The following ARID5B variants were observed in gnomAD, a reference collection of about 807,000 sequenced individuals.
ARID5B encodes AT-rich interactive domain-containing protein 5B.
In ARID5B, 13 loss-of-function variants were observed where a neutral mutation model predicts 97.2. The ratio of observed to expected loss-of-function variants is 0.13; its 90% CI spans 0.09 to 0.21. The LOEUF (loss-of-function observed/expected upper bound fraction) is 0.21. ARID5B is among the 10% of genes least tolerant of loss of function. The pLI, the probability that ARID5B is intolerant of heterozygous loss-of-function variation, is 1.00. For missense variants in ARID5B, 1,210 were observed against 1,465.3 expected (o/e 0.83, Z 2.84); for synonymous variants, 556 against 570.3 (o/e 0.97, Z 0.36).
intron 1 of ARID5B, 74 bp downstream of exon 1, chr10:61,901,804 T>TGCACCCACCCACACCC: frequency 2.2e-6 from 2 of 905,266 alleles, no homozygotes; most frequent in Non-Finnish European, 3.1e-6. Context: ...CACCCACACC[T>TGCACCCACCCACACCC]CTGCACCCAC....
chr10:62,015,608 T>C (rs541903736), intron 4 of ARID5B, among the ~76,000 whole-genome samples: 1 of 152,004 alleles, frequency 6.6e-6, no homozygotes, highest in South Asian at 2.1e-4. Context: ...CTCTGAACGG[T>C]GTGAGGTTTT....
At chr10:61,963,476 G>A (rs1393836636) in intron 3 of ARID5B, among the ~76,000 whole-genome samples, 1 of 151,732 alleles carries the variant, frequency 6.6e-6, no homozygotes, top group Non-Finnish European at 1.5e-5. Context: ...CATGTCCCTG[G>A]GGCAGTGAGA....
intron 4 of ARID5B, among the ~76,000 whole-genome samples, chr10:62,005,397 T>A (rs547452745): frequency 1.3e-5 from 2 of 152,332 alleles, no homozygotes; most frequent in South Asian, 4.1e-4. Flanking sequence ...ACCCTCTTGA[T>A]AAATGAAGAT....
At chr10:61,954,499 G>A (rs1286561956) in intron 3 of ARID5B, among the ~76,000 whole-genome samples, 1 of 152,170 alleles carries the variant, frequency 6.6e-6, no homozygotes, top group Non-Finnish European at 1.5e-5. Flanking sequence ...AACAGCTGAT[G>A]CTAGTTGGCT....
chr10:62,017,833 T>C (rs1462202644), intron 4 of ARID5B, among the ~76,000 whole-genome samples: 1 of 152,228 alleles, frequency 6.6e-6, no homozygotes, highest in Admixed American at 6.5e-5. Flanking sequence ...CTGCTACTCA[T>C]TGTAATACAT....
intron 3 of ARID5B, among the ~76,000 whole-genome samples, chr10:61,960,018 A>G (rs1044671873): frequency 4.6e-5 from 7 of 152,228 alleles, no homozygotes; most frequent in Non-Finnish European, 1.0e-4. Flanking sequence ...TTAAGAACAC[A>G]GAACCATTAT....
intron 3 of ARID5B, among the ~76,000 whole-genome samples, chr10:61,954,917 A>G (rs1452155529): frequency 6.6e-6 from 1 of 151,998 alleles, no homozygotes; most frequent in East Asian, 1.9e-4. Context: ...GAGGCAGGAG[A>G]ATCGCTTGAA....
At position 62,092,333 on chromosome 10, in the gene ARID5B, T is replaced by C. The variant is rs1193575018; in HGVS notation, c.2870T>C (p.Val957Ala). 6.2e-7 allele frequency: 1 copy of C among 1,613,328 alleles called. No individual in the cohort carries two copies. The highest frequency in any genetic ancestry group is 2.2e-5 in the East Asian group (1 of 44,894). ...SRDCHPKACR[V>A]SPMTMSGPKK... ...GACTGTCACCCCAAAGCCTGTCGGG[T>C]ATCACCCATGACCATGTCAGGCCCT... The change falls in exon 10 of 10, where the codon GTA becomes GCA. Residue 957 changes from valine to alanine, a missense_variant. Transcript: ENST00000279873.
At chr10:61,956,527 T>C (rs1194866023) in intron 3 of ARID5B, among the ~76,000 whole-genome samples, 1 of 152,224 alleles carries the variant, frequency 6.6e-6, no homozygotes, top group African/African-American at 2.4e-5. Flanking sequence ...TTTTTCTTGA[T>C]AGCATTTCAA....
In ARID5B at chr10:62,093,429, G is replaced by T; in HGVS notation, c.*399G>T. 3.9e-6 allele frequency: 1 copy of T among 256,366 alleles called. No homozygotes were observed. 15.9% of individuals were successfully genotyped at this position (256,366 alleles called of 1,614,324 possible). A position where few individuals can be genotyped will look rare whatever the true frequency, so the allele number is the denominator to read the frequency against. On this transcript the variant is annotated 3_prime_UTR_variant, in exon 10 of 10. Transcript: ENST00000279873. The stretch of plus-strand genomic sequence containing the variant: ...GGGCAAGGAAGACTGGCAAACAGAT[G>T]GCAAGGGATGCCCCTCTTTTTCATA...
chr10:61,943,741 TAA>T (rs201615059), intron 3 of ARID5B, among the ~76,000 whole-genome samples: 2 of 143,922 alleles, frequency 1.4e-5, no homozygotes, highest in Admixed American at 6.9e-5. Context: ...CTCTGAATAG[TAA>T]AAAAAAAAAA....
intron 3 of ARID5B, among the ~76,000 whole-genome samples, chr10:61,963,489 G>A (rs961833058): frequency 6.6e-6 from 1 of 151,950 alleles, no homozygotes; most frequent in African/African-American, 2.4e-5. Flanking sequence ...CAGTGAGAGC[G>A]AGACTGCACC....
chr10:62,071,610 A>AGT (rs146298913), intron 8 of ARID5B, among the ~76,000 whole-genome samples: 19,352 of 148,920 alleles, frequency 0.13, 1,360 homozygotes, highest in East Asian at 0.28. Context: ...AACCCATAGT[A>AGT]GTGTGTGTGT....
intron 2 of ARID5B, among the ~76,000 whole-genome samples, chr10:61,919,353 C>T (rs148280608): frequency 5.3e-5 from 8 of 152,208 alleles, no homozygotes; most frequent in Non-Finnish European, 8.8e-5. Flanking sequence ...ATCCCTTTGT[C>T]CCCTTCCACC....
At chr10:61,945,423 A>C (rs1427317061) in intron 3 of ARID5B, among the ~76,000 whole-genome samples, 1 of 152,232 alleles carries the variant, frequency 6.6e-6, no homozygotes, top group Non-Finnish European at 1.5e-5. Context: ...ATAAAGTGAA[A>C]TATTATTATA....
chr10:61,924,795 A>G (rs1392137014), intron 2 of ARID5B, among the ~76,000 whole-genome samples: 1 of 152,212 alleles, frequency 6.6e-6, no homozygotes, highest in African/African-American at 2.4e-5. Flanking sequence ...AAGCTTTAAT[A>G]ATTCAGATTT....
chr10:62,090,005 T>C (rs1840346835), intron 9 of ARID5B, among the ~76,000 whole-genome samples: 1 of 152,232 alleles, frequency 6.6e-6, no homozygotes. Context: ...GGTCAAAGTT[T>C]ATATGGCTGC....
intron 4 of ARID5B, among the ~76,000 whole-genome samples, chr10:62,023,537 T>C (rs1839382357): frequency 6.6e-6 from 1 of 152,154 alleles, no homozygotes; most frequent in Non-Finnish European, 1.5e-5. Flanking sequence ...GCTGAAGGAT[T>C]TGGTCAGTGA....
chr10:61,925,513 A>C (rs1844088795), intron 2 of ARID5B, among the ~76,000 whole-genome samples: 1 of 152,222 alleles, frequency 6.6e-6, no homozygotes, highest in Non-Finnish European at 1.5e-5. Flanking sequence ...AGGCAGGCTT[A>C]ACTAACACTG....
Sources: gnomAD v4.1 joint callset for allele counts (sites outside exome capture counted in the v4.1 genomes callset) on GRCh38, gnomAD v4.1.1 for gene constraint, MANE v1.5 for transcripts, NCBI Gene and HGNC (gene_info 2026-07-23, HGNC 2026-07-21) for gene names.